Variants in COP1 observed in about 807,000 individuals in gnomAD.
The protein encoded by COP1 is COP1 E3 ubiquitin ligase.
Under a neutral mutation model 101.3 loss-of-function variants are expected in COP1, and 24 were observed. The ratio of observed to expected loss-of-function variants is 0.24; its 90% CI spans 0.17 to 0.33. The LOEUF is 0.33. Among genes scored for constraint, COP1 ranks in the 10% least tolerant of loss-of-function variants. COP1 has a pLI of 1.00. For missense variants in COP1, 663 were observed against 906.2 expected (o/e 0.73, Z 3.45); for synonymous variants, 347 against 341.9 (o/e 1.01, Z -0.17).
chr1:176,042,562 C>CAAAAAAA (rs1171580353), intron 14 of COP1, among the ~76,000 whole-genome samples: 1 of 53,100 alleles, frequency 1.9e-5, no homozygotes, highest in Non-Finnish European at 3.6e-5. Context: ...GAATCCGTCT[C>CAAAAAAA]AAAAAAAAAA....
chr1:176,036,820 G>T (rs1571839853), intron 14 of COP1, among the ~76,000 whole-genome samples: 1 of 152,134 alleles, frequency 6.6e-6, no homozygotes, highest in African/African-American at 2.4e-5. Context: ...GCTAAGCTAC[G>T]ATTAGAAGTA....
chr1:176,026,497 AAAGT>A (rs1485936029), intron 15 of COP1, among the ~76,000 whole-genome samples: 2 of 152,120 alleles, frequency 1.3e-5, no homozygotes, highest in African/African-American at 4.8e-5. Context: ...AATTTGTGAC[AAAGT>A]AAGTATTTAA....
intron 9 of COP1, among the ~76,000 whole-genome samples, chr1:176,115,336 G>A (rs1686000371): frequency 6.6e-6 from 1 of 152,168 alleles, no homozygotes; most frequent in Admixed American, 6.5e-5. Flanking sequence ...TGTAGTCCCA[G>A]CCACTCGGGA....
At chr1:176,070,361 T>C (rs977243399) in intron 11 of COP1, among the ~76,000 whole-genome samples, 2 of 151,934 alleles carry the variant, frequency 1.3e-5, no homozygotes, top group African/African-American at 4.8e-5. Flanking sequence ...AACTTTTTTT[T>C]TTAAATTAAA....
intron 5 of COP1, among the ~76,000 whole-genome samples, 181 bp downstream of exon 5, chr1:176,162,682 TATTGAA>T (rs1694516029): frequency 6.6e-6 from 1 of 152,224 alleles, no homozygotes; most frequent in Non-Finnish European, 1.5e-5. Context: ...AGTTATAATG[TATTGAA>T]ATTGTTCTTT....
chr1:176,079,400 T>C (rs1170374776), intron 11 of COP1, among the ~76,000 whole-genome samples: 1 of 152,144 alleles, frequency 6.6e-6, no homozygotes, highest in Non-Finnish European at 1.5e-5. Context: ...ATAATGTATA[T>C]TCTCACTTGT....
chr1:176,122,847 T>C (rs555327444), intron 8 of COP1, among the ~76,000 whole-genome samples: 1 of 152,278 alleles, frequency 6.6e-6, no homozygotes, highest in Non-Finnish European at 1.5e-5. Context: ...AAAGCAAGCA[T>C]GAGGGAAAAT....
chr1:176,075,401 G>A (rs1354790819), intron 11 of COP1, among the ~76,000 whole-genome samples: 1 of 152,110 alleles, frequency 6.6e-6, no homozygotes, highest in African/African-American at 2.4e-5. Context: ...AGCATGTTAA[G>A]TTTTAGCAAT....
At chr1:176,035,963 G>A (rs898738501) in intron 14 of COP1, among the ~76,000 whole-genome samples, 1 of 152,022 alleles carries the variant, frequency 6.6e-6, no homozygotes, top group Non-Finnish European at 1.5e-5. Context: ...GCAACAGAAT[G>A]ATTTCTGAAA....
chr1:175,960,654 G>T (rs1308752718), intron 18 of COP1, among the ~76,000 whole-genome samples: 1 of 152,088 alleles, frequency 6.6e-6, no homozygotes, highest in Non-Finnish European at 1.5e-5. Context: ...GATGGTACTG[G>T]TAACATCAAA....
At chr1:176,147,231 A>G (rs1691707370) in intron 6 of COP1, among the ~76,000 whole-genome samples, 1 of 152,166 alleles carries the variant, frequency 6.6e-6, no homozygotes, top group African/African-American at 2.4e-5. Context: ...ACTTACATGG[A>G]AGAAGAAAAT....
At chr1:175,973,808 T>C (rs1653852018) in intron 18 of COP1, among the ~76,000 whole-genome samples, 1 of 152,218 alleles carries the variant, frequency 6.6e-6, no homozygotes, top group Non-Finnish European at 1.5e-5. Context: ...AGTTCCAGTA[T>C]AATGGCATTA....
intron 11 of COP1, among the ~76,000 whole-genome samples, chr1:176,079,373 C>T (rs895769885): frequency 6.6e-6 from 1 of 152,052 alleles, no homozygotes; most frequent in Non-Finnish European, 1.5e-5. Flanking sequence ...TGAATTAATG[C>T]AAGAACAGAA....
intron 18 of COP1, among the ~76,000 whole-genome samples, chr1:175,972,863 G>A (rs928783780): frequency 4.6e-5 from 7 of 151,962 alleles, no homozygotes; most frequent in African/African-American, 7.3e-5. Context: ...ACGGAGTTTC[G>A]CTCTTGTTGC....
chr1:176,045,702 C>T (rs1671405451), intron 12 of COP1, among the ~76,000 whole-genome samples: 1 of 151,604 alleles, frequency 6.6e-6, no homozygotes, highest in Non-Finnish European at 1.5e-5. Context: ...AAAAGCACTG[C>T]TTATAAAGTA....
At chr1:175,972,744 G>A (rs539009319) in intron 18 of COP1, among the ~76,000 whole-genome samples, 10 of 152,156 alleles carry the variant, frequency 6.6e-5, no homozygotes, top group African/African-American at 2.4e-4. Context: ...GAAACTACAG[G>A]TGTAAGCCAC....
intron 8 of COP1, among the ~76,000 whole-genome samples, chr1:176,126,736 G>A (rs1688055292): frequency 6.6e-6 from 1 of 152,170 alleles, no homozygotes. Context: ...ACAGGCATGA[G>A]CCACTGCACC....
At chr1:175,976,588 C>G (rs918436844) in intron 18 of COP1, among the ~76,000 whole-genome samples, 2 of 151,956 alleles carry the variant, frequency 1.3e-5, no homozygotes, top group Non-Finnish European at 2.9e-5. Context: ...TCATTTATTC[C>G]TTCTTATTAG....
intron 11 of COP1, among the ~76,000 whole-genome samples, chr1:176,057,987 CCG>C (rs1673950909): frequency 1.2e-5 from 1 of 83,364 alleles, no homozygotes; most frequent in Admixed American, 1.1e-4. Flanking sequence ...CCTGGCCGCC[CCG>C]TCTGAGAGGT....
Sources: gnomAD v4.1 joint callset for allele counts (sites outside exome capture counted in the v4.1 genomes callset) on GRCh38, gnomAD v4.1.1 for gene constraint, MANE v1.5 for transcripts, NCBI Gene and HGNC (gene_info 2026-07-23, HGNC 2026-07-21) for gene names.